SIDT1: variants seen among roughly 807,000 people sequenced by gnomAD.
SIDT1 encodes the protein SID1 transmembrane family member 1, also known as SID1 transmembrane family, member 1.
A neutral mutation model predicts 107.5 loss-of-function variants in SIDT1; 101 were observed. That is an observed-to-expected ratio of 0.94 (90% CI 0.80 to 1.11). The LOEUF (loss-of-function observed/expected upper bound fraction) is 1.11, where lower values mean the gene tolerates loss of function less well. SIDT1 is among the 50% of genes least tolerant of loss of function. The pLI, the probability that SIDT1 is intolerant of heterozygous loss-of-function variation, is 0.00. For missense variants in SIDT1, 1,076 were observed against 1,058.2 expected, an observed-to-expected ratio of 1.02 and a Z score of -0.23; for synonymous variants, 395 against 398.2, an observed-to-expected ratio of 0.99 and a Z score of 0.10.
rs768932910 is a variant in SIDT1, at chr3:113,619,670, T to G, written c.2044-10T>G. On this transcript the variant is annotated splice_polypyrimidine_tract_variant and intron_variant, in intron 20 of 24. Transcript: ENST00000264852. ...GCCTCTCATTTGATGTTTTCTTTCC[T>G]CTTTTCCAGGATAGAATGGTGTTGC... 1 of 1,613,972 alleles carries G rather than the reference T, an allele frequency of 6.2e-7. No individual in the cohort carries two copies. The highest frequency in any genetic ancestry group is 1.7e-5 in the Admixed American group (1 of 60,020).
intron 21 of SIDT1, among the ~76,000 whole-genome samples, chr3:113,620,814 G>T (rs193040249): frequency 2.0e-5 from 3 of 152,246 alleles, no homozygotes; most frequent in East Asian, 3.9e-4. Flanking sequence ...AGGAGAAAAG[G>T]GACCAACCTC....
intron 10 of SIDT1, among the ~76,000 whole-genome samples, chr3:113,599,348 G>A (rs1944794050): frequency 1.3e-5 from 2 of 152,202 alleles, no homozygotes; most frequent in South Asian, 2.1e-4. Flanking sequence ...AAAAGCAAAA[G>A]CTGTGCTTTT....
At position 113,605,912 on chromosome 3, in the gene SIDT1, G is replaced by A. The variant is rs745319995; in HGVS notation, c.1404+936G>A. Among the ~76,000 whole-genome samples, 70 of 152,064 alleles carry A rather than the reference G, an allele frequency of 4.6e-4. 1 individual carries two copies. Among genetic ancestry groups the A allele is most frequent in the Non-Finnish European group, 9.0e-4 (61 of 68,000 alleles). On this transcript the variant is annotated intron_variant, in intron 14 of 24. Coordinates refer to ENST00000264852, the MANE Select transcript of SIDT1 (RefSeq NM_017699.3). ...CCAGCTACTCGGGAGGCTGAAGTGG[G>A]AGGATTGCTTGAGCCTGTGGAGGTG...
At chr3:113,569,851 G>A (rs909047343) in intron 3 of SIDT1, among the ~76,000 whole-genome samples, 3 of 152,178 alleles carry the variant, frequency 2.0e-5, no homozygotes, top group African/African-American at 7.2e-5. Flanking sequence ...CTAACATGCA[G>A]CCAGTGTTGC....
intron 4 of SIDT1, among the ~76,000 whole-genome samples, chr3:113,577,720 T>C (rs1009487468): frequency 2.6e-5 from 4 of 152,246 alleles, no homozygotes; most frequent in Admixed American, 1.3e-4. Flanking sequence ...CTTTAGTCCA[T>C]AATATAGCTT....
intron 20 of SIDT1, among the ~76,000 whole-genome samples, 175 bp downstream of exon 20, chr3:113,616,351 A>T (rs2107765281): frequency 6.6e-6 from 1 of 152,306 alleles, no homozygotes; most frequent in Admixed American, 6.5e-5. Flanking sequence ...TTTTCATACA[A>T]GTCAAGCTAA....
At chr3:113,632,089 G>A (rs761200634), downstream of SIDT1, among the ~76,000 whole-genome samples, 5 of 152,080 alleles carry the variant, frequency 3.3e-5, no homozygotes, top group Non-Finnish European at 7.4e-5. Context: ...GAATCTTGAA[G>A]TCATGTTACA....
At chr3:113,546,147 T>C (rs2254267) in intron 1 of SIDT1, among the ~76,000 whole-genome samples, 27,857 of 152,126 alleles carry the variant, frequency 0.18, 3,818 homozygotes, top group African/African-American at 0.39. Context: ...AAATCCTGTT[T>C]TCCCCCTGAG....
intron 1 of SIDT1, among the ~76,000 whole-genome samples, chr3:113,543,167 C>T (rs772148706): frequency 6.6e-6 from 1 of 152,080 alleles, no homozygotes; most frequent in Non-Finnish European, 1.5e-5. Context: ...TCTCCAACTC[C>T]TGAACTCAGG....
chr3:113,542,511 T>C (rs1490137378), intron 1 of SIDT1, among the ~76,000 whole-genome samples: 1 of 152,220 alleles, frequency 6.6e-6, no homozygotes, highest in Non-Finnish European at 1.5e-5. Context: ...TTTATTATAT[T>C]CTTAATGTTT....
At chr3:113,634,182 C>T (rs1340592418), downstream of SIDT1, among the ~76,000 whole-genome samples, 2 of 152,106 alleles carry the variant, frequency 1.3e-5, no homozygotes, top group African/African-American at 4.8e-5. Context: ...AAAAACAGCT[C>T]CTCTGCCTAA....
chr3:113,572,060 G>A (rs1358552232), intron 3 of SIDT1, among the ~76,000 whole-genome samples: 1 of 152,206 alleles, frequency 6.6e-6, no homozygotes. Context: ...GATAAATAAT[G>A]AGGAGGTGAA....
At chr3:113,584,638 C>CAA in intron 7 of SIDT1, 60 bp from the exon 8 acceptor site, 1 of 1,219,974 alleles carries the variant, frequency 8.2e-7, no homozygotes, top group Non-Finnish European at 1.2e-6. Flanking sequence ...GACAAGAGAC[C>CAA]AAAAAAAATC....
intron 1 of SIDT1, among the ~76,000 whole-genome samples, chr3:113,550,450 G>GTC (rs1576727898): frequency 1.3e-5 from 2 of 152,178 alleles, no homozygotes; most frequent in Admixed American, 6.5e-5. Flanking sequence ...GTGGAAATCT[G>GTC]TCTTCCAGTG....
At chr3:113,633,466 G>A (rs755328539), downstream of SIDT1, among the ~76,000 whole-genome samples, 1 of 152,164 alleles carries the variant, frequency 6.6e-6, no homozygotes, top group Non-Finnish European at 1.5e-5. Context: ...AGACCAATTC[G>A]AAGGTCACGC....
At chr3:113,585,510 A>G (rs984354447) in intron 9 of SIDT1, among the ~76,000 whole-genome samples, 4 of 152,166 alleles carry the variant, frequency 2.6e-5, no homozygotes, top group Admixed American at 2.0e-4. Context: ...TTATATCAAT[A>G]ACACACACAT....
chr3:113,575,307 G>A (rs1467009775), intron 3 of SIDT1, among the ~76,000 whole-genome samples: 2 of 152,192 alleles, frequency 1.3e-5, no homozygotes, highest in Non-Finnish European at 2.9e-5. Flanking sequence ...AAGTCATGTC[G>A]CCAGCCAAGA....
chr3:113,593,188 C>T, intron 10 of SIDT1, 140 bp downstream of exon 10: 1 of 782,546 alleles, frequency 1.3e-6, no homozygotes, highest in South Asian at 1.4e-5. Flanking sequence ...GTCTAGCCTG[C>T]AGTTGGAAAG....
chr3:113,605,997 C>T (rs780586876), intron 14 of SIDT1, among the ~76,000 whole-genome samples: 2 of 144,528 alleles, frequency 1.4e-5, no homozygotes, highest in African/African-American at 2.6e-5. Context: ...AGAGTGAGAC[C>T]GTGTCTCAAG....
Sources: gnomAD v4.1 joint callset for allele counts (sites outside exome capture counted in the v4.1 genomes callset) on GRCh38, gnomAD v4.1.1 for gene constraint, MANE v1.5 for transcripts, NCBI Gene and HGNC (gene_info 2026-07-23, HGNC 2026-07-21) for gene names.